The following MAP3K20 variants were observed in gnomAD, a reference collection of about 807,000 sequenced individuals.
MAP3K20 encodes HCCS-4.
A neutral mutation model predicts 85.7 loss-of-function variants in MAP3K20; 40 were observed. The observed-to-expected ratio is 0.47, with a 90% CI of 0.36 to 0.61. The LOEUF is 0.61. MAP3K20 is among the 20% of genes least tolerant of loss of function. MAP3K20 has a pLI of 0.00. For missense variants in MAP3K20, 817 were observed against 961.7 expected (o/e 0.85, Z 1.99); for synonymous variants, 325 against 327.7 (o/e 0.99, Z 0.09).
intron 2 of MAP3K20, among the ~76,000 whole-genome samples, chr2:173,135,218 A>G (rs1179848513): frequency 6.6e-6 from 1 of 152,240 alleles, no homozygotes; most frequent in African/African-American, 2.4e-5. Flanking sequence ...GTACATAAAG[A>G]GCATTTAATT....
chr2:173,197,790 A>G (rs1192668558), intron 7 of MAP3K20: 1 of 213,440 alleles, frequency 4.7e-6, no homozygotes, highest in Non-Finnish European at 9.2e-6. Context: ...TAAAATTTTA[A>G]GTCTGGCTCT....
intron 3 of MAP3K20, among the ~76,000 whole-genome samples, chr2:173,177,180 C>T (rs191603528): frequency 7.1e-4 from 108 of 152,274 alleles, no homozygotes; most frequent in African/African-American, 2.3e-3. Context: ...AGAACACTCT[C>T]AGCCAACTCT....
At chr2:173,149,515 TAA>T (rs11404639) in intron 2 of MAP3K20, among the ~76,000 whole-genome samples, 120 of 151,758 alleles carry the variant, frequency 7.9e-4, no homozygotes, top group Non-Finnish European at 1.4e-3. Flanking sequence ...TATTTTTTTT[TAA>T]AAAAAACCCT....
At chr2:173,246,198 C>T (rs754374223) in intron 16 of MAP3K20, among the ~76,000 whole-genome samples, 2 of 152,176 alleles carry the variant, frequency 1.3e-5, no homozygotes, top group African/African-American at 2.4e-5. Flanking sequence ...GAGGCTCCAA[C>T]CTAGTAAGGG....
chr2:173,121,682 C>T (rs768666089), intron 2 of MAP3K20, among the ~76,000 whole-genome samples: 29 of 152,076 alleles, frequency 1.9e-4, no homozygotes, highest in Non-Finnish European at 2.9e-4. Context: ...CCACCGCGCC[C>T]GGCTGGAGAA....
At chr2:173,233,058 G>A (rs1684560533) in intron 14 of MAP3K20, among the ~76,000 whole-genome samples, 2 of 152,170 alleles carry the variant, frequency 1.3e-5, no homozygotes, top group Non-Finnish European at 2.9e-5. Flanking sequence ...CTAATCTGGT[G>A]GAGAAAACAG....
At chr2:173,233,991 T>C (rs532172022) in intron 14 of MAP3K20, among the ~76,000 whole-genome samples, 51 of 152,334 alleles carry the variant, frequency 3.3e-4, no homozygotes, top group African/African-American at 1.2e-3. Context: ...AATCCCAGCC[T>C]CTGGGTGTGG....
At chr2:173,122,694 A>C (rs183771193) in intron 2 of MAP3K20, among the ~76,000 whole-genome samples, 32 of 152,292 alleles carry the variant, frequency 2.1e-4, no homozygotes, top group Non-Finnish European at 4.1e-4. Flanking sequence ...ATTATACAGT[A>C]TTGTAGTAAA....
At chr2:173,116,007 T>G in intron 2 of MAP3K20, among the ~76,000 whole-genome samples, 2 of 116,658 alleles carry the variant, frequency 1.7e-5, no homozygotes. Flanking sequence ...CAGGAAAGAG[T>G]CTAATTAAAA....
chr2:173,172,529 C>T (rs1016111392), intron 3 of MAP3K20, among the ~76,000 whole-genome samples: 3 of 152,044 alleles, frequency 2.0e-5, no homozygotes, highest in Non-Finnish European at 2.9e-5. Context: ...TCAGTTTTCT[C>T]ATGTGAATGA....
chr2:173,114,083 A>G (rs1688050415), intron 2 of MAP3K20, among the ~76,000 whole-genome samples: 1 of 152,130 alleles, frequency 6.6e-6, no homozygotes, highest in Non-Finnish European at 1.5e-5. Context: ...TGTTAGGTGC[A>G]TATATGTTTA....
chr2:173,266,711 G>A lies in MAP3K20; in HGVS notation c.2364G>A (p.Glu788=), dbSNP rs1217162906. Residue 788 remains glutamate (E), a synonymous_variant, in exon 20 of 20, where the codon GAG becomes GAA. Transcript: ENST00000375213. The part of the protein sequence containing the change: ...HRPSPAKTNK[E]RARGDHRGWR... ...CATCTCCCGCCAAAACCAATAAAGA[G>A]AGAGCCAGAGGGGACCACCGTGGAT... is the stretch of plus-strand genomic sequence containing the variant. 6.3e-7 allele frequency: 1 copy of A among 1,583,238 alleles called. No individual in the cohort carries two copies. Among genetic ancestry groups the A allele is most frequent in the South Asian group, 1.1e-5 (1 of 87,284 alleles).
chr2:173,128,634 A>C (rs1364778672), intron 2 of MAP3K20, among the ~76,000 whole-genome samples: 1 of 152,010 alleles, frequency 6.6e-6, no homozygotes, highest in Non-Finnish European at 1.5e-5. Context: ...GTCCAGCCTA[A>C]ATTGACTTTA....
intron 2 of MAP3K20, among the ~76,000 whole-genome samples, chr2:173,104,162 T>C (rs1687718193): frequency 6.6e-6 from 1 of 152,226 alleles, no homozygotes. Context: ...TTAGTAACTT[T>C]ACAGTGGGCT....
At chr2:173,228,376 T>G (rs1157014353) in intron 11 of MAP3K20, among the ~76,000 whole-genome samples, 1 of 152,012 alleles carries the variant, frequency 6.6e-6, no homozygotes, top group Non-Finnish European at 1.5e-5. Flanking sequence ...CGGAATCACC[T>G]CTCTTCTTGC....
At chr2:173,125,013 A>C (rs914960292) in intron 2 of MAP3K20, among the ~76,000 whole-genome samples, 2 of 152,112 alleles carry the variant, frequency 1.3e-5, no homozygotes, top group Non-Finnish European at 2.9e-5. Flanking sequence ...AGGAAAATAA[A>C]AATTTTACCA....
chr2:173,115,473 G>C (rs1688094294), intron 2 of MAP3K20, among the ~76,000 whole-genome samples: 1 of 152,026 alleles, frequency 6.6e-6, no homozygotes, highest in African/African-American at 2.4e-5. Context: ...TTTTTTTGGG[G>C]GGTGTTGAAG....
intron 8 of MAP3K20, among the ~76,000 whole-genome samples, chr2:173,199,678 CATTTT>C (rs200414866): frequency 0.011 from 1,175 of 102,802 alleles, 7 homozygotes; most frequent in African/African-American, 0.02. Flanking sequence ...TTTTTTTTTT[CATTTT>C]GTTTTGTTTT....
intron 2 of MAP3K20, among the ~76,000 whole-genome samples, chr2:173,150,054 G>C (rs1689257025): frequency 6.6e-6 from 1 of 152,156 alleles, no homozygotes; most frequent in Non-Finnish European, 1.5e-5. Context: ...CTCTGACACA[G>C]AAATCTGTGA....
Sources: gnomAD v4.1 joint callset for allele counts (sites outside exome capture counted in the v4.1 genomes callset) on GRCh38, gnomAD v4.1.1 for gene constraint, MANE v1.5 for transcripts, NCBI Gene and HGNC (gene_info 2026-07-23, HGNC 2026-07-21) for gene names.